Variants in ZNF33B observed in about 807,000 individuals in gnomAD.
ZNF33B encodes zinc finger protein 11b (KOX 2).
Under a neutral mutation model 45.8 loss-of-function variants are expected in ZNF33B, and 29 were observed. The ratio of observed to expected loss-of-function variants is 0.63; its 90% CI spans 0.47 to 0.86. The LOEUF (loss-of-function observed/expected upper bound fraction) is 0.86. ZNF33B is among the 40% of genes least tolerant of loss of function. The pLI is 0.00. For synonymous variants in ZNF33B, 305 were observed against 307.8 expected (o/e 0.99, Z 0.10); for missense variants, 831 against 909.9 (o/e 0.91, Z 1.12).
rs1436968382 is a variant in ZNF33B, at chr10:42,593,305, C to A, written c.1645G>T (p.Gly549Trp). ...DLTIHQRTHT[G>W]EKPFACPECG... The stretch of plus-strand genomic sequence containing the variant: ...TCAGGACATGCAAAGGGTTTCTCCC[C>A]TGTGTGCGTTCTCTGATGTATTGTG... Residue 549 changes from glycine to tryptophan, a missense_variant, in exon 5 of 5, where the codon GGG becomes TGG. By Grantham distance (184) the Gly-to-Trp change is radical (BLOSUM62 -2). Transcript: ENST00000359467. 1 of 1,613,860 alleles carries A rather than the reference C, an allele frequency of 6.2e-7. No individual in the cohort carries two copies. The highest frequency in any genetic ancestry group is 8.5e-7 in the Non-Finnish European group (1 of 1,179,964).
chr10:42,619,469 G>C (rs1439224004), intron 4 of ZNF33B, among the ~76,000 whole-genome samples: 3 of 152,104 alleles, frequency 2.0e-5, no homozygotes, highest in African/African-American at 7.2e-5. Context: ...TTACTACTAG[G>C]CCTGCTATAC....
chr10:42,582,926 G>T, intron 1 of ZNF33B: 1 of 512,784 alleles, frequency 2.0e-6, no homozygotes, highest in East Asian at 3.4e-5. Flanking sequence ...TTGTTGCAGA[G>T]AATGCTGATG....
At position 42,592,440 on chromosome 10, in the gene ZNF33B, C is replaced by T. The variant is rs1202890686; in HGVS notation, c.*173G>A. ...ATATCACTTCCTAACAAAAGCCATC[C>T]TATAGTTGTTGTAGTCTATGGGTTT... is the stretch of plus-strand genomic sequence containing the variant. On this transcript the variant is annotated 3_prime_UTR_variant, in exon 5 of 5. Coordinates refer to ENST00000359467, the MANE Select transcript of ZNF33B (RefSeq NM_006955.3). 4.2e-6 allele frequency: 4 copies of T among 955,070 alleles called. No homozygotes were observed. Among genetic ancestry groups the T allele is most frequent in the Non-Finnish European group, 6.2e-6 (4 of 647,218 alleles). The allele number at this position is 955,070 out of a possible 1,614,324, so 59.2% of individuals were successfully genotyped here.
At chr10:42,628,855 G>A (rs1372072892) in intron 4 of ZNF33B, among the ~76,000 whole-genome samples, 1 of 152,194 alleles carries the variant, frequency 6.6e-6, no homozygotes, top group African/African-American at 2.4e-5. Context: ...AGCACTTACA[G>A]AGCATGGTTT....
At chr10:42,583,104 T>G in intron 1 of ZNF33B, 1 of 790,740 alleles carries the variant, frequency 1.3e-6, no homozygotes, top group East Asian at 2.4e-5. Context: ...CCAGGATCAG[T>G]GCATGAACAC....
At position 42,632,455 on chromosome 10, in the gene ZNF33B, T is replaced by A; in HGVS notation, c.10-16A>T. ...TCTGATCTACCTGAAATGTTCAGAATTAGGTGGCATGAAAAAAGAAGTATG... is the reference window on the plus strand; with the variant it reads ...TCTGATCTACCTGAAATGTTCAGAAATAGGTGGCATGAAAAAAGAAGTATG... On this transcript the variant is annotated splice_polypyrimidine_tract_variant and intron_variant, in intron 2 of 4. Transcript: ENST00000359467. 6.2e-7 allele frequency: 1 copy of A among 1,608,804 alleles called. No homozygotes were observed. The highest frequency in any genetic ancestry group is 8.5e-7 in the Non-Finnish European group (1 of 1,178,940).
intron 4 of ZNF33B, among the ~76,000 whole-genome samples, chr10:42,599,950 C>T (rs1336462768): frequency 6.6e-6 from 1 of 152,062 alleles, no homozygotes; most frequent in East Asian, 1.9e-4. Context: ...GCATCCATTA[C>T]ATAGACTTAT....
chr10:42,618,029 A>G (rs1440406180), intron 4 of ZNF33B, among the ~76,000 whole-genome samples: 1 of 152,040 alleles, frequency 6.6e-6, no homozygotes, highest in East Asian at 1.9e-4. Flanking sequence ...TTCTTTCTCA[A>G]TCCACATTTA....
intron 4 of ZNF33B, among the ~76,000 whole-genome samples, chr10:42,595,950 A>G (rs1334437140): frequency 6.6e-6 from 1 of 152,218 alleles, no homozygotes; most frequent in Non-Finnish European, 1.5e-5. Flanking sequence ...CACTTGACTG[A>G]AACTTGAATA....
intron 1 of ZNF33B, 39 bp from the exon 2 acceptor site, chr10:42,637,011 G>C: frequency 6.2e-7 from 1 of 1,604,786 alleles, no homozygotes; most frequent in South Asian, 1.1e-5. Context: ...TGAAAGATTT[G>C]GCCTGCCTGG....
intron 4 of ZNF33B, among the ~76,000 whole-genome samples, chr10:42,595,720 C>T (rs977450123): frequency 1.2e-4 from 18 of 152,156 alleles, no homozygotes; most frequent in African/African-American, 3.9e-4. Context: ...CACACCCGAC[C>T]ACTGGTCATA....
At chr10:42,603,760 A>G (rs1837726026) in intron 4 of ZNF33B, among the ~76,000 whole-genome samples, 1 of 151,686 alleles carries the variant, frequency 6.6e-6, no homozygotes, top group South Asian at 2.1e-4. Context: ...ACAGAGGCAG[A>G]CAGGCTAACA....
chr10:42,608,182 A>G (rs1250904468), intron 4 of ZNF33B, among the ~76,000 whole-genome samples: 1 of 152,218 alleles, frequency 6.6e-6, no homozygotes, highest in Non-Finnish European at 1.5e-5. Context: ...TATACTACTA[A>G]CAGAGCCTCA....
chr10:42,617,083 ATTTT>A (rs1215420263), intron 4 of ZNF33B, among the ~76,000 whole-genome samples: 16 of 89,726 alleles, frequency 1.8e-4, no homozygotes, highest in East Asian at 5.7e-4. Context: ...AAAATTGTTC[ATTTT>A]TTCTCTTTTT....
Position 42,594,473 on chromosome 10 carries a change from CTTACTGA to C in ZNF33B, c.470_476del (p.Ile157ArgfsTer2). 1 of 1,613,324 alleles carries C rather than the reference CTTACTGA, an allele frequency of 6.2e-7. No homozygotes were observed. The highest frequency in any genetic ancestry group is 1.7e-5 in the Admixed American group (1 of 59,882). ...CAGACTTTTTTCCTAAATAGTTTAT[CTTACTGA>C]TAACCAATTCTGAAACAGTGTTGAA... On this transcript the variant is annotated frameshift_variant, in exon 5 of 5. Transcript: ENST00000359467. LOFTEE classifies it low-confidence loss of function (END_TRUNC).
chr10:42,614,005 C>G (rs1589049791), intron 4 of ZNF33B, among the ~76,000 whole-genome samples: 1 of 152,218 alleles, frequency 6.6e-6, no homozygotes, highest in African/African-American at 2.4e-5. Flanking sequence ...TAAATCTCCA[C>G]TTCTTACGTG....
intron 4 of ZNF33B, among the ~76,000 whole-genome samples, chr10:42,617,085 T>TCTC (rs1253532030): frequency 8.6e-5 from 12 of 138,904 alleles, no homozygotes; most frequent in Non-Finnish European, 1.9e-4. Context: ...AATTGTTCAT[T>TCTC]TTTTCTCTTT....
At chr10:42,580,747 C>T (rs1352136929) in intron 1 of ZNF33B, among the ~76,000 whole-genome samples, 12 of 151,238 alleles carry the variant, frequency 7.9e-5, no homozygotes, top group East Asian at 2.0e-4. Context: ...GGTGAGACCC[C>T]GTCTCTACTA....
At chr10:42,575,736 A>ATTTT (rs796452502) in intron 1 of ZNF33B, among the ~76,000 whole-genome samples, 12 of 143,478 alleles carry the variant, frequency 8.4e-5, no homozygotes, top group Admixed American at 2.1e-4. Flanking sequence ...ATACATATAT[A>ATTTT]TTTTTTTTTT....
Sources: allele counts gnomAD v4.1 joint callset (sites outside exome capture counted in the v4.1 genomes callset), GRCh38; gene constraint gnomAD v4.1.1; transcripts MANE v1.5; gene names NCBI Gene and HGNC (gene_info 2026-07-23, HGNC 2026-07-21).